Variants in KPNA1 observed in about 807,000 individuals in gnomAD.
The protein encoded by KPNA1 is karyopherin subunit alpha 1.
KPNA1 carries 10 observed loss-of-function variants against 70.5 expected under a neutral mutation model. The ratio of observed to expected loss-of-function variants is 0.14; its 90% CI spans 0.09 to 0.24. The LOEUF is 0.24. Among genes scored for constraint, KPNA1 ranks in the 10% least tolerant of loss-of-function variants. The pLI, the probability that KPNA1 is intolerant of heterozygous loss-of-function variation, is 1.00. For synonymous variants in KPNA1, 192 were observed against 221.9 expected (o/e 0.87, Z 1.20); for missense variants, 397 against 637.9 (o/e 0.62, Z 4.07).
chr3:122,513,573 T>C lies in KPNA1; in HGVS notation c.-6+1184A>G, dbSNP rs545611028. The stretch of plus-strand genomic sequence containing the variant: ...GGCATCCGCCTGTAGTTCCAGCTAG[T>C]AGGGAGGATGCCTTGAGGCCAGGAG... On this transcript the variant is annotated intron_variant, in intron 1 of 13. Coordinates refer to ENST00000344337, the MANE Select transcript of KPNA1 (RefSeq NM_002264.4). Among the ~76,000 whole-genome samples the C allele has an allele frequency of 5.9e-5, 9 of 151,696 alleles. No individual in the cohort carries two copies. In the South Asian group the frequency reaches 1.5e-3, roughly 24 times the overall value.
chr3:122,469,431 A>G (rs974444149), intron 2 of KPNA1, among the ~76,000 whole-genome samples: 1 of 152,188 alleles, frequency 6.6e-6, no homozygotes, highest in Non-Finnish European at 1.5e-5. Flanking sequence ...GATTAAAAGA[A>G]GTTTCATCAC....
At chr3:122,457,152 A>G (rs980886612) in intron 5 of KPNA1, among the ~76,000 whole-genome samples, 9 of 152,254 alleles carry the variant, frequency 5.9e-5, no homozygotes, top group East Asian at 1.9e-4. Flanking sequence ...TTTAAACTAC[A>G]TAACTTCCCT....
At chr3:122,433,315 A>AT (rs2107718229) in intron 12 of KPNA1, 1 of 189,454 alleles carries the variant, frequency 5.3e-6, no homozygotes, top group South Asian at 1.9e-4. Flanking sequence ...CAAGTAACCT[A>AT]TATTACCCAA....
chr3:122,481,719 G>C (rs1042828782), intron 2 of KPNA1, among the ~76,000 whole-genome samples: 1 of 152,226 alleles, frequency 6.6e-6, no homozygotes, highest in Non-Finnish European at 1.5e-5. Flanking sequence ...GCCAATGCTA[G>C]CTAACAGAAA....
At chr3:122,476,880 A>AAAAC (rs2076505737) in intron 2 of KPNA1, among the ~76,000 whole-genome samples, 1 of 150,474 alleles carries the variant, frequency 6.6e-6, no homozygotes, top group African/African-American at 2.4e-5. Context: ...AAAAAAAAAA[A>AAAAC]AAAACTAAAA....
chr3:122,426,657 T>C lies in KPNA1; in HGVS notation c.*328A>G, dbSNP rs775374901. The C allele has an allele frequency of 1.2e-4, 25 of 214,102 alleles. No individual in the cohort carries two copies. The highest frequency in any genetic ancestry group is 2.1e-4 in the Non-Finnish European group (23 of 108,550). The allele number at this position is 214,102 out of a possible 1,614,324, so 13.3% of individuals were successfully genotyped here. On this transcript the variant is annotated 3_prime_UTR_variant, in exon 14 of 14. Coordinates refer to ENST00000344337, the MANE Select transcript of KPNA1 (RefSeq NM_002264.4). ...AAGGGAATGAGGAGGAGTCCTCTTT[T>C]ATTCCCCCACAAGAAAAAGGGAGCC...
At chr3:122,448,175 G>A (rs2076161375) in intron 9 of KPNA1, among the ~76,000 whole-genome samples, 1 of 152,188 alleles carries the variant, frequency 6.6e-6, no homozygotes, top group Non-Finnish European at 1.5e-5. Flanking sequence ...TTCAACCATT[G>A]TGGAAGACAG....
chr3:122,452,789 C>T (rs1260974810), intron 6 of KPNA1, among the ~76,000 whole-genome samples: 2 of 147,746 alleles, frequency 1.4e-5, no homozygotes, highest in South Asian at 2.1e-4. Flanking sequence ...GATGGAGAGA[C>T]GGAGAGAAAG....
chr3:122,447,213 AC>A (rs1294756226), intron 9 of KPNA1, among the ~76,000 whole-genome samples: 4 of 152,190 alleles, frequency 2.6e-5, no homozygotes, highest in African/African-American at 9.7e-5. Flanking sequence ...CAAAGACACA[AC>A]AACAAAAAAG....
chr3:122,433,873 T>C (rs994782593), intron 11 of KPNA1, 85 bp from the exon 12 acceptor site: 4 of 1,077,716 alleles, frequency 3.7e-6, no homozygotes, highest in Non-Finnish European at 5.3e-6. Flanking sequence ...CTAAGCTAGT[T>C]TGACTATTAA....
intron 10 of KPNA1, among the ~76,000 whole-genome samples, chr3:122,439,607 G>A (rs2076037396): frequency 2.6e-5 from 4 of 152,134 alleles, no homozygotes; most frequent in African/African-American, 9.7e-5. Flanking sequence ...TTATCTTACA[G>A]GCACTAAAGC....
chr3:122,427,517 T>A lies in KPNA1; in HGVS notation c.1429+21A>T, dbSNP rs146766925. On this transcript the variant is annotated intron_variant, in intron 13 of 13. Transcript: ENST00000344337. ...CCCAATTCATTCTTGGCCATAAACT[T>A]CTTCAACCAAAGCATCTTACCATAA... 93 of 1,603,150 alleles carry A rather than the reference T, an allele frequency of 5.8e-5. No individual in the cohort carries two copies. The African/African-American group carries it at 1.1e-3, about 19-fold the overall frequency.
intron 1 of KPNA1, among the ~76,000 whole-genome samples, chr3:122,504,835 T>G (rs1282089223): frequency 1.3e-5 from 2 of 152,172 alleles, no homozygotes; most frequent in African/African-American, 4.8e-5. Context: ...AAATATCTCA[T>G]CAGTATCCAT....
At position 122,504,795 on chromosome 3, in the gene KPNA1, T is replaced by TGA. The variant is rs145593338; in HGVS notation, c.-5-8227_-5-8226dup. On this transcript the variant is annotated intron_variant, in intron 1 of 13. Coordinates refer to ENST00000344337, the MANE Select transcript of KPNA1 (RefSeq NM_002264.4). ...TCAATGGATGCATTTAGACTTTGGG[T>TGA]GAGAGAGAGAGAGAGATTTTTTAAA... 4.2e-3 allele frequency among the ~76,000 whole-genome samples: 638 copies of TGA among 151,008 alleles called. 6 individuals carry two copies. The highest frequency in any genetic ancestry group is 0.014 in the African/African-American group (573 of 41,260).
At chr3:122,498,999 G>A (rs1282175773) in intron 1 of KPNA1, among the ~76,000 whole-genome samples, 2 of 152,182 alleles carry the variant, frequency 1.3e-5, no homozygotes, top group African/African-American at 4.8e-5. Flanking sequence ...CATTGGAAAT[G>A]AAATTGTTTT....
At position 122,459,949 on chromosome 3, in the gene KPNA1, C is replaced by A. The variant is rs1201174753; in HGVS notation, c.432+1275G>T. 4.1e-6 allele frequency: 4 copies of A among 985,302 alleles called. No individual in the cohort carries two copies. In the East Asian group the frequency reaches 4.5e-4, roughly 112 times the overall value. The allele number at this position is 985,302 out of a possible 1,614,324, so 61.0% of individuals were successfully genotyped here. On this transcript the variant is annotated intron_variant, in intron 5 of 13. Transcript: ENST00000344337. ...TAAGGAACCTGGGGACAGGAGCTAT[C>A]ACTTAACAAAAATGCCCCAGTGTCT...
At chr3:122,440,776 G>A (rs945161860) in intron 10 of KPNA1, among the ~76,000 whole-genome samples, 4 of 152,226 alleles carry the variant, frequency 2.6e-5, no homozygotes, top group African/African-American at 9.6e-5. Flanking sequence ...AGTAACTGAT[G>A]ATGGAGTTGG....
intron 2 of KPNA1, among the ~76,000 whole-genome samples, chr3:122,484,963 T>A (rs936847762): frequency 6.6e-6 from 1 of 152,198 alleles, no homozygotes; most frequent in Non-Finnish European, 1.5e-5. Flanking sequence ...AGGGGCACAA[T>A]CATACCTCAT....
intron 2 of KPNA1, among the ~76,000 whole-genome samples, chr3:122,485,233 A>G (rs911040390): frequency 3.3e-5 from 5 of 152,164 alleles, no homozygotes; most frequent in Non-Finnish European, 5.9e-5. Flanking sequence ...TTTGAAAAAG[A>G]AAAAGTTGGA....
Sources: gnomAD v4.1 joint callset for allele counts (sites outside exome capture counted in the v4.1 genomes callset) on GRCh38, gnomAD v4.1.1 for gene constraint, MANE v1.5 for transcripts, NCBI Gene and HGNC (gene_info 2026-07-23, HGNC 2026-07-21) for gene names.